Variants in NTM observed in about 807,000 individuals in gnomAD.
NTM encodes the protein neurotrimin.
A neutral mutation model predicts 42.1 loss-of-function variants in NTM; 13 were observed. That is an observed-to-expected ratio of 0.31 (90% CI 0.20 to 0.49). The LOEUF (loss-of-function observed/expected upper bound fraction) is 0.49. Ranked by LOEUF, NTM falls within the 20% of genes least tolerant of loss-of-function variation. The pLI, the probability that NTM is intolerant of heterozygous loss-of-function variation, is 0.99. For missense variants in NTM, 373 were observed against 452.8 expected, an observed-to-expected ratio of 0.82 and a Z score of 1.60; for synonymous variants, 187 against 179.2, an observed-to-expected ratio of 1.04 and a Z score of -0.35.
At chr11:132,072,794 C>G (rs2057869667) in intron 2 of NTM, among the ~76,000 whole-genome samples, 1 of 152,078 alleles carries the variant, frequency 6.6e-6, no homozygotes. Context: ...GGACTCTGGC[C>G]CCTTATTTTA....
intron 1 of NTM, chr11:131,794,343 T>C: frequency 3.5e-6 from 1 of 286,742 alleles, no homozygotes; most frequent in Non-Finnish European, 5.2e-6. Flanking sequence ...GGACAAATCC[T>C]TCAACGCAGT....
chr11:131,748,905 G>A (rs1422042744), intron 1 of NTM, among the ~76,000 whole-genome samples: 1 of 152,192 alleles, frequency 6.6e-6, no homozygotes, highest in African/African-American at 2.4e-5. Context: ...CAGCATGGGG[G>A]CTTTTGACAT....
chr11:132,306,948 A>G (rs966800206), intron 4 of NTM, among the ~76,000 whole-genome samples: 3 of 152,166 alleles, frequency 2.0e-5, no homozygotes, highest in African/African-American at 7.2e-5. Flanking sequence ...ATTATTACTC[A>G]TAATTTTTCA....
chr11:131,561,932 G>A (rs1228762685), intron 1 of NTM, among the ~76,000 whole-genome samples: 1 of 152,184 alleles, frequency 6.6e-6, no homozygotes, highest in Non-Finnish European at 1.5e-5. Context: ...ATTTCACAAT[G>A]TCCTATTTAA....
intron 1 of NTM, among the ~76,000 whole-genome samples, chr11:131,481,648 A>G (rs1182768612): frequency 7.1e-6 from 1 of 140,254 alleles, no homozygotes; most frequent in African/African-American, 2.5e-5. Context: ...GAAGCACCCT[A>G]GGTCAGCATA....
chr11:131,772,183 C>G (rs2086211639), intron 1 of NTM, among the ~76,000 whole-genome samples: 1 of 152,132 alleles, frequency 6.6e-6, no homozygotes, highest in Admixed American at 6.6e-5. Flanking sequence ...ACTGTGTATG[C>G]ATGCATATTT....
At chr11:132,037,744 C>T (rs1659155303) in intron 2 of NTM, among the ~76,000 whole-genome samples, 1 of 152,170 alleles carries the variant, frequency 6.6e-6, no homozygotes, top group South Asian at 2.1e-4. Context: ...AAACACCTTG[C>T]TGATTTAATT....
At chr11:131,768,020 CTTTT>C (rs1031366105) in intron 1 of NTM, among the ~76,000 whole-genome samples, 2 of 147,770 alleles carry the variant, frequency 1.4e-5, no homozygotes, top group African/African-American at 5.0e-5. Flanking sequence ...TGAGGAATTC[CTTTT>C]TTTTTTAAGT....
chr11:131,509,616 C>G (rs925586170), intron 1 of NTM, among the ~76,000 whole-genome samples: 2 of 152,202 alleles, frequency 1.3e-5, no homozygotes, highest in African/African-American at 4.8e-5. Flanking sequence ...TTACACATTT[C>G]TTGGTGAGAC....
intron 1 of NTM, among the ~76,000 whole-genome samples, chr11:131,825,303 T>A (rs575832499): frequency 6.6e-6 from 1 of 151,552 alleles, no homozygotes; most frequent in East Asian, 2.0e-4. Context: ...TTTAACTAAT[T>A]ACACCTGCAA....
intron 3 of NTM, among the ~76,000 whole-genome samples, chr11:132,150,487 A>T (rs1454411101): frequency 1.3e-5 from 2 of 152,216 alleles, no homozygotes; most frequent in Non-Finnish European, 2.9e-5. Flanking sequence ...GCAGGTGTTA[A>T]AGCTAGAATG....
intron 1 of NTM, among the ~76,000 whole-genome samples, chr11:131,857,374 C>G (rs1385701812): frequency 6.6e-6 from 1 of 152,152 alleles, no homozygotes; most frequent in Non-Finnish European, 1.5e-5. Context: ...TGGCCTGCTG[C>G]AGCGTCCCCT....
At chr11:131,860,165 G>A (rs1454445409) in intron 1 of NTM, among the ~76,000 whole-genome samples, 4 of 152,210 alleles carry the variant, frequency 2.6e-5, no homozygotes, top group Admixed American at 6.5e-5. Flanking sequence ...GGAAGGACAA[G>A]AGCTAGTGAG....
intron 2 of NTM, among the ~76,000 whole-genome samples, chr11:132,083,282 C>T (rs760745767): frequency 6.6e-6 from 1 of 152,242 alleles, no homozygotes; most frequent in Non-Finnish European, 1.5e-5. Flanking sequence ...GAATTTCTCT[C>T]TCCAGTCCTT....
chr11:131,394,993 G>A (rs1007157391), intron 1 of NTM, among the ~76,000 whole-genome samples: 1 of 152,184 alleles, frequency 6.6e-6, no homozygotes, highest in Non-Finnish European at 1.5e-5. Flanking sequence ...AACAGCTGGG[G>A]TGTTAGGTAC....
At position 131,789,493 on chromosome 11, in the gene NTM, G is replaced by A. The variant is rs1442052539; in HGVS notation, c.83-122071G>A. ...AGAAGAAGAAGAAGAAGAAGAAGAG[G>A]AAAGAAGAAGAAGAAGAAGAAGAAG... On this transcript the variant is annotated intron_variant, in intron 1 of 8. Coordinates refer to ENST00000683400, the MANE Select transcript of NTM (RefSeq NM_001352005.2). Among the ~76,000 whole-genome samples the A allele has an allele frequency of 1.3e-3, 4 of 2,972 alleles. 2 individuals carry two copies. The highest frequency in any genetic ancestry group is 7.9e-3 in the Admixed American group (2 of 254). The allele number at this position is 2,972 out of a possible 152,430, so 1.9% of individuals were successfully genotyped here.
rs866435479 is a variant in NTM, at chr11:131,569,379, C to A, written c.82+198491C>A. ...CAGGCTGGTCTCGAACTCCTGACCTCAGGTGATCCACTTGCCTTGGCCTCC... is the reference window on the plus strand; with the variant it reads ...CAGGCTGGTCTCGAACTCCTGACCTAAGGTGATCCACTTGCCTTGGCCTCC... On this transcript the variant is annotated intron_variant, in intron 1 of 8. Coordinates refer to ENST00000683400, the MANE Select transcript of NTM (RefSeq NM_001352005.2). Among the ~76,000 whole-genome samples the A allele has an allele frequency of 2.6e-5, 4 of 151,878 alleles. No homozygotes were observed. The South Asian group carries it at 8.3e-4, about 32-fold the overall frequency.
chr11:131,843,966 G>C (rs1298128498), intron 1 of NTM, among the ~76,000 whole-genome samples: 1 of 151,610 alleles, frequency 6.6e-6, no homozygotes, highest in Non-Finnish European at 1.5e-5. Flanking sequence ...CTCCCAGCCT[G>C]TGTCTCTTGT....
At chr11:131,487,640 TA>T (rs1954323579) in intron 1 of NTM, among the ~76,000 whole-genome samples, 1 of 152,206 alleles carries the variant, frequency 6.6e-6, no homozygotes. Flanking sequence ...GGAGACAGTT[TA>T]CAGAGGTTAC....
Sources: gnomAD v4.1 joint callset for allele counts (sites outside exome capture counted in the v4.1 genomes callset) on GRCh38, gnomAD v4.1.1 for gene constraint, MANE v1.5 for transcripts, NCBI Gene and HGNC (gene_info 2026-07-23, HGNC 2026-07-21) for gene names.